DNAJA4: variants seen among roughly 807,000 people sequenced by gnomAD.
The protein encoded by DNAJA4 is DnaJ heat shock protein family (Hsp40) member A4, also known as dnaJ homolog subfamily A member 4.
A neutral mutation model predicts 39.7 loss-of-function variants in DNAJA4; 32 were observed. The ratio of observed to expected loss-of-function variants is 0.81; its 90% CI spans 0.61 to 1.08. The LOEUF (loss-of-function observed/expected upper bound fraction) is 1.08. Ranked by LOEUF, DNAJA4 falls within the 50% of genes least tolerant of loss-of-function variation. The pLI, the probability that DNAJA4 is intolerant of heterozygous loss-of-function variation, is 0.00. For missense variants in DNAJA4, 439 were observed against 505.1 expected, an observed-to-expected ratio of 0.87 and a Z score of 1.25; for synonymous variants, 184 against 182.4, an observed-to-expected ratio of 1.01 and a Z score of -0.07.
At chr15:78,280,215 C>T (rs369988433) in intron 6 of DNAJA4, 30 bp from the exon 7 acceptor site, 309 of 1,609,700 alleles carry the variant, frequency 1.9e-4, no homozygotes, top group Non-Finnish European at 2.5e-4. Flanking sequence ...AAAAAACAGC[C>T]ACCTTTCTTT....
chr15:78,267,571 A>G (rs567169083), intron 1 of DNAJA4, among the ~76,000 whole-genome samples: 3 of 151,762 alleles, frequency 2.0e-5, no homozygotes, highest in Non-Finnish European at 4.4e-5. Flanking sequence ...ATTCTTGGCT[A>G]TTACCCTGTT....
chr15:78,267,347 T>C (rs940527714), intron 1 of DNAJA4, among the ~76,000 whole-genome samples: 3 of 152,236 alleles, frequency 2.0e-5, no homozygotes, highest in South Asian at 4.1e-4. Context: ...CTGGGAAAAC[T>C]GAGAAGGCCG....
At chr15:78,265,519 ATATTCTGGG>A in intron 1 of DNAJA4, 1 of 702,364 alleles carries the variant, frequency 1.4e-6, no homozygotes, top group Non-Finnish European at 2.6e-6. Flanking sequence ...GCTTGTACTC[ATATTCTGGG>A]TTTTCGGTGA....
At chr15:78,277,156 CTG>C (rs2049488844) in intron 5 of DNAJA4, among the ~76,000 whole-genome samples, 1 of 152,138 alleles carries the variant, frequency 6.6e-6, no homozygotes, top group Non-Finnish European at 1.5e-5. Context: ...GTCATTTGAT[CTG>C]TGTCTGTTTT....
intron 1 of DNAJA4, chr15:78,266,285 C>G: frequency 1.2e-6 from 2 of 1,613,886 alleles, no homozygotes; most frequent in Non-Finnish European, 1.7e-6. Context: ...AATCTCAGCA[C>G]TCACAAGAGT....
At chr15:78,265,059 G>C (rs942891395) in intron 1 of DNAJA4, among the ~76,000 whole-genome samples, 164 bp downstream of exon 1, 1 of 152,184 alleles carries the variant, frequency 6.6e-6, no homozygotes, top group Non-Finnish European at 1.5e-5. Context: ...CCTGGGCGCC[G>C]TGCGGCGCGG....
chr15:78,273,235 G>C (rs2049352427), intron 3 of DNAJA4, 36 bp downstream of exon 3: 2 of 1,148,102 alleles, frequency 1.7e-6, no homozygotes, highest in Non-Finnish European at 2.6e-6. Context: ...GCACAGTTCT[G>C]ATCCCTTAGA....
Position 78,264,866 on chromosome 15 carries a change from C to G in DNAJA4, c.103C>G (p.Pro35Ala). Residue 35 changes from proline to alanine, a missense_variant, in exon 1 of 7, where the codon CCG (proline) becomes GCG (alanine). Physicochemically the swap from Pro to Ala is conservative, Grantham distance 27. Coordinates refer to ENST00000394852, the MANE Select transcript of DNAJA4 (RefSeq NM_001130182.2). ...TCGGAAGCTGGCGCTCAAGTACCAC[C>G]CGGACAAGAACCCGGATGAGGGCGA... ...AYRKLALKYH[P>A]DKNPDEGEKF... is the part of the protein sequence containing the mutation. 1 of 1,605,526 alleles carries G rather than the reference C, an allele frequency of 6.2e-7. No homozygotes were observed.
In DNAJA4 at chr15:78,275,667, T is replaced by C; in HGVS notation, c.816T>C (p.Cys272=). The C allele has an allele frequency of 6.2e-7, 1 of 1,614,118 alleles. No individual in the cohort carries two copies. Among genetic ancestry groups the C allele is most frequent in the Non-Finnish European group, 8.5e-7 (1 of 1,179,992 alleles). The change falls in exon 5 of 7, where the codon TGT becomes TGC. Residue 272 remains cysteine, a synonymous_variant. Coordinates refer to ENST00000394852, the MANE Select transcript of DNAJA4 (RefSeq NM_001130182.2). ...AAATTCAGCTTTCTGAAGCTCTTTG[T>C]GGCTTCAAGAAGACGATAAAAACAT... ...KMKIQLSEAL[C]GFKKTIKTLD...
chr15:78,266,118 G>A (rs1404292327), intron 1 of DNAJA4: 6 of 973,740 alleles, frequency 6.2e-6, no homozygotes, highest in Admixed American at 5.3e-5. Flanking sequence ...AGGCACTGGC[G>A]TTTTACATGG....
rs202118844 is a variant in DNAJA4 at position 78,275,614 on chromosome 15, C to A, written c.763C>A (p.Arg255=). 7.5e-5 allele frequency: 121 copies of A among 1,613,942 alleles called. No individual in the cohort carries two copies. Among genetic ancestry groups the A allele is most frequent in the Admixed American group, 1.0e-4 (6 of 60,004 alleles). Residue 255 remains arginine, a synonymous_variant, in exon 5 of 7, where the codon CGA becomes AGA. Transcript: ENST00000394852. ...GAAGGATCATAGTGTCTTTCAGAGACGAGGCCATGACTTGATCATGAAAAT... is the reference window on the plus strand; with the variant it reads ...GAAGGATCATAGTGTCTTTCAGAGAAGAGGCCATGACTTGATCATGAAAAT... ...DQKDHSVFQR[R]GHDLIMKMKI...
rs369601244 is a variant in DNAJA4 at position 78,275,713 on chromosome 15, A to G, written c.862A>G (p.Ile288Val). 2.4e-5 allele frequency: 38 copies of G among 1,607,886 alleles called. No individual in the cohort carries two copies. The highest frequency in any genetic ancestry group is 6.7e-5 in the African/African-American group (5 of 74,830). Residue 288 changes from isoleucine (I) to valine (V), a missense_variant, in exon 5 of 7, where the codon ATT (isoleucine) becomes GTT (valine). By Grantham distance (29) the Ile-to-Val change is conservative. Coordinates refer to ENST00000394852, the MANE Select transcript of DNAJA4 (RefSeq NM_001130182.2). ...AACATTGGACAATCGAATTCTTGTTATTACATCCAAAGCAGGTAATGTTTC... is the reference window on the plus strand; with the variant it reads ...AACATTGGACAATCGAATTCTTGTTGTTACATCCAAAGCAGGTAATGTTTC... ...IKTLDNRILVITSKAGEVIKH... is the reference protein window; with the variant it reads ...IKTLDNRILVVTSKAGEVIKH...
rs777275813 is a variant in DNAJA4, at chr15:78,280,433, G to C, written c.1167G>C (p.Gln389His). ...ACGAGGAGGACGAAGACGGGCCCCA[G>C]GCTGGAGTGCAGTGCCAGACGGCAT... The part of the protein sequence containing the change: ...EAYEEDEDGP[Q>H]AGVQCQTA The change falls in exon 7 of 7, where the codon CAG becomes CAC. Residue 389 changes from glutamine (Q) to histidine (H), a missense_variant. Transcript: ENST00000394852. The C allele has an allele frequency of 6.2e-7, 1 of 1,612,856 alleles. No homozygotes were observed. Among genetic ancestry groups the C allele is most frequent in the Non-Finnish European group, 8.5e-7 (1 of 1,179,706 alleles).
Position 78,264,885 on chromosome 15 carries a change from A to G in DNAJA4, c.122A>G (p.Glu41Gly). 6.3e-7 allele frequency: 1 copy of G among 1,597,648 alleles called. No homozygotes were observed. Among genetic ancestry groups the G allele is most frequent in the East Asian group, 2.3e-5 (1 of 43,742 alleles). The change falls in exon 1 of 7, where the codon GAG becomes GGG. Residue 41 changes from glutamate to glycine, a missense_variant. Coordinates refer to ENST00000394852, the MANE Select transcript of DNAJA4 (RefSeq NM_001130182.2). ...TACCACCCGGACAAGAACCCGGATG[A>G]GGGCGAGAAGGTGCGGGGCGGCGCG... ...LKYHPDKNPD[E>G]GEKFKLISQA...
chr15:78,278,049 A>G (rs2049524124), intron 5 of DNAJA4: 1 of 455,606 alleles, frequency 2.2e-6, no homozygotes, highest in South Asian at 1.5e-5. Flanking sequence ...TGCTGTTGAA[A>G]TGCCTTCTTC....
chr15:78,275,814 C>A, intron 5 of DNAJA4, 86 bp downstream of exon 5: 1 of 945,078 alleles, frequency 1.1e-6, no homozygotes, highest in Admixed American at 2.5e-5. Context: ...TTTATTGCTA[C>A]ATAATATTTT....
intron 2 of DNAJA4, 97 bp from the exon 3 acceptor site, chr15:78,272,998 C>A (rs556503308): frequency 5.3e-6 from 4 of 753,758 alleles, no homozygotes; most frequent in Non-Finnish European, 9.2e-6. Context: ...AGTCTTGAGT[C>A]TCTGGAGACT....
In DNAJA4 at chr15:78,274,363, G is replaced by A; in HGVS notation, c.585G>A (p.Glu195=). The part of the protein sequence containing the change: ...GERINPKDRC[E]SCSGAKVIRE... Reference sequence around the variant, plus strand: ...GCATCAACCCCAAGGACCGCTGCGAGAGCTGCAGCGGGGCCAAGGTGATCC... The same window carrying A: ...GCATCAACCCCAAGGACCGCTGCGAAAGCTGCAGCGGGGCCAAGGTGATCC... Residue 195 remains glutamate (E), a synonymous_variant, in exon 4 of 7, where the codon GAG becomes GAA. Transcript: ENST00000394852. 1 of 1,614,232 alleles carries A rather than the reference G, an allele frequency of 6.2e-7. No homozygotes were observed. Among genetic ancestry groups the A allele is most frequent in the Non-Finnish European group, 8.5e-7 (1 of 1,180,046 alleles).
Position 78,264,585 on chromosome 15 carries a change from A to T in DNAJA4, c.-179A>T. The T allele has an allele frequency of 8.7e-7, 1 of 1,152,570 alleles. No individual in the cohort carries two copies. The highest frequency in any genetic ancestry group is 3.5e-4 in the Middle Eastern group (1 of 2,834). The allele number at this position is 1,152,570 out of a possible 1,614,324, so 71.4% of individuals were successfully genotyped here. A position where few individuals can be genotyped will look rare whatever the true frequency, so the allele number is the denominator to read the frequency against. ...CTAGTGCGGTGGAGCCAGGCGTGGA[A>T]GTCGGTCCGGCGCGGGGCGGGGGGC... On this transcript the variant is annotated 5_prime_UTR_variant, in exon 1 of 7. In the 5' UTR this introduces an upstream ATG that the reference lacks. Transcript: ENST00000394852.
Sources: allele counts gnomAD v4.1 joint callset (sites outside exome capture counted in the v4.1 genomes callset), GRCh38; gene constraint gnomAD v4.1.1; transcripts MANE v1.5; gene names NCBI Gene and HGNC (gene_info 2026-07-23, HGNC 2026-07-21).